Variants in RFX4 observed in about 807,000 individuals in gnomAD.
RFX4 encodes the protein regulatory factor X4, also known as transcription factor RFX4.
A neutral mutation model predicts 95.0 loss-of-function variants in RFX4; 10 were observed. The observed-to-expected ratio is 0.11, with a 90% CI of 0.06 to 0.18. The LOEUF is 0.18. Ranked by LOEUF, RFX4 falls within the 10% of genes least tolerant of loss-of-function variation. RFX4 has a pLI of 1.00. For missense variants in RFX4, 640 were observed against 922.0 expected (o/e 0.69, Z 3.96); for synonymous variants, 321 against 340.7 (o/e 0.94, Z 0.64).
At chr12:106,757,314 C>T (rs1219846624) in intron 17 of RFX4, among the ~76,000 whole-genome samples, 1 of 152,102 alleles carries the variant, frequency 6.6e-6, no homozygotes, top group Non-Finnish European at 1.5e-5. Context: ...CCCAGGAGTT[C>T]CAGTGGGATG....
At chr12:106,732,382 C>A (rs2042630336) in intron 14 of RFX4, 133 bp downstream of exon 14, 1 of 1,272,444 alleles carries the variant, frequency 7.9e-7, no homozygotes, top group Non-Finnish European at 1.1e-6. Context: ...GGTATCAAAC[C>A]AATCATGTCT....
intron 15 of RFX4, among the ~76,000 whole-genome samples, chr12:106,744,869 C>A (rs973345781): frequency 7.2e-5 from 11 of 152,172 alleles, no homozygotes; most frequent in Non-Finnish European, 1.2e-4. Context: ...TTAGTGTTGA[C>A]AAAAGGAACC....
At chr12:106,606,614 C>A (rs1398166819) in intron 1 of RFX4, among the ~76,000 whole-genome samples, 1 of 152,160 alleles carries the variant, frequency 6.6e-6, no homozygotes, top group Non-Finnish European at 1.5e-5. Flanking sequence ...CATTCGATGT[C>A]TGGAAGGTGC....
chr12:106,614,374 T>G (rs1241962607), intron 2 of RFX4, among the ~76,000 whole-genome samples: 2 of 152,008 alleles, frequency 1.3e-5, no homozygotes, highest in African/African-American at 2.4e-5. Flanking sequence ...TTGGCCAGGC[T>G]GGTCTCGAAC....
chr12:106,661,787 A>G (rs1404463671), intron 4 of RFX4, among the ~76,000 whole-genome samples: 3 of 152,192 alleles, frequency 2.0e-5, no homozygotes. Context: ...TGCCTTCTCC[A>G]GAATGTCATA....
intron 7 of RFX4, among the ~76,000 whole-genome samples, chr12:106,694,225 G>A (rs2041836044): frequency 6.6e-6 from 1 of 152,168 alleles, no homozygotes; most frequent in South Asian, 2.1e-4. Context: ...TCTCTCCTAG[G>A]AAGTCAGAGG....
At chr12:106,593,375 T>TTGC (rs2039574460) in intron 1 of RFX4, among the ~76,000 whole-genome samples, 1 of 152,232 alleles carries the variant, frequency 6.6e-6, no homozygotes, top group Non-Finnish European at 1.5e-5. Context: ...AGATATTTAT[T>TTGC]TAATCAGAAT....
chr12:106,716,190 TC>T (rs2042287502), intron 11 of RFX4, among the ~76,000 whole-genome samples: 1 of 152,068 alleles, frequency 6.6e-6, no homozygotes, highest in Non-Finnish European at 1.5e-5. Context: ...CAGATGCCCA[TC>T]CCAGCTGACT....
At chr12:106,698,104 C>T (rs1199891496) in intron 8 of RFX4, among the ~76,000 whole-genome samples, 3 of 151,910 alleles carry the variant, frequency 2.0e-5, no homozygotes, top group African/African-American at 7.3e-5. Flanking sequence ...TCCCAAGTAG[C>T]TGAGATTACA....
chr12:106,661,462 A>G (rs1454914702), intron 4 of RFX4, among the ~76,000 whole-genome samples: 1 of 152,238 alleles, frequency 6.6e-6, no homozygotes, highest in Non-Finnish European at 1.5e-5. Flanking sequence ...CCCCGTCCCT[A>G]CACTTGCCCA....
At chr12:106,704,179 C>T (rs1219363552) in intron 8 of RFX4, among the ~76,000 whole-genome samples, 1 of 150,174 alleles carries the variant, frequency 6.7e-6, no homozygotes, top group Non-Finnish European at 1.5e-5. Flanking sequence ...AATATTCATT[C>T]ATTCATTAAA....
intron 4 of RFX4, among the ~76,000 whole-genome samples, chr12:106,661,809 G>T (rs144241264): frequency 1.3e-5 from 2 of 152,096 alleles, no homozygotes; most frequent in African/African-American, 2.4e-5. Context: ...AGCTGGAATC[G>T]TACAGTATGT....
intron 5 of RFX4, among the ~76,000 whole-genome samples, chr12:106,684,026 G>C (rs2041588817): frequency 6.6e-6 from 1 of 152,160 alleles, no homozygotes; most frequent in South Asian, 2.1e-4. Flanking sequence ...CCTGCATCAT[G>C]GCCTTATAGA....
intron 17 of RFX4, among the ~76,000 whole-genome samples, chr12:106,751,115 T>C (rs1264145433): frequency 7.8e-6 from 1 of 128,916 alleles, no homozygotes; most frequent in East Asian, 2.6e-4. Context: ...GTCCCCAGAG[T>C]GTGATGTTCC....
intron 3 of RFX4, 119 bp from the exon 4 acceptor site, chr12:106,654,109 A>G: frequency 7.3e-7 from 1 of 1,361,950 alleles, no homozygotes; most frequent in Non-Finnish European, 1.0e-6. Flanking sequence ...CAGCTTCTCC[A>G]CCTGTAGAAA....
chr12:106,759,710 T>C (rs1250471486), intron 17 of RFX4, among the ~76,000 whole-genome samples: 1 of 152,166 alleles, frequency 6.6e-6, no homozygotes, highest in Non-Finnish European at 1.5e-5. Context: ...ATAGTCTCCT[T>C]GGCAACAGCC....
intron 4 of RFX4, among the ~76,000 whole-genome samples, chr12:106,664,578 A>T (rs984180385): frequency 2.0e-5 from 3 of 151,580 alleles, no homozygotes; most frequent in African/African-American, 7.3e-5. Context: ...TTCTTATTGT[A>T]TCTTCTTCTT....
At chr12:106,684,932 G>A in intron 5 of RFX4, 1 of 1,613,346 alleles carries the variant, frequency 6.2e-7, no homozygotes, top group South Asian at 1.1e-5. Flanking sequence ...AGGAGGGTTG[G>A]GGAGAGGGAA....
In RFX4 at chr12:106,750,736, T is replaced by C; in HGVS notation, c.1878T>C (p.His626=). Residue 626 remains histidine, a synonymous_variant, in exon 17 of 18, where the codon CAT becomes CAC. Transcript: ENST00000392842. The part of the protein sequence containing the change: ...PMQSQYPALP[H]DTAISGPLHY... Reference sequence around the variant, plus strand: ...AGAGCCAGTATCCGGCCCTCCCTCATGACACAGCTATCTCTGGGCCACTCC... The same window carrying C: ...AGAGCCAGTATCCGGCCCTCCCTCACGACACAGCTATCTCTGGGCCACTCC... The C allele has an allele frequency of 6.2e-7, 1 of 1,612,846 alleles. No homozygotes were observed. Among genetic ancestry groups the C allele is most frequent in the Non-Finnish European group, 8.5e-7 (1 of 1,179,592 alleles).
Sources: allele counts gnomAD v4.1 joint callset (sites outside exome capture counted in the v4.1 genomes callset), GRCh38; gene constraint gnomAD v4.1.1; transcripts MANE v1.5; gene names NCBI Gene and HGNC (gene_info 2026-07-23, HGNC 2026-07-21).